The following GSDMC variants were observed in gnomAD, a reference collection of about 807,000 sequenced individuals.
The protein encoded by GSDMC is gasdermin C.
GSDMC carries 59 observed loss-of-function variants against 58.0 expected under a neutral mutation model. The observed-to-expected ratio is 1.02, with a 90% CI of 0.82 to 1.26. GSDMC has a LOEUF of 1.26. Among genes scored for constraint, GSDMC ranks in the 50% most tolerant of loss-of-function variants. The probability of loss-of-function intolerance (pLI) is 0.00; values close to 1 mark genes in which losing one functional copy is unlikely to be tolerated. For synonymous variants in GSDMC, 241 were observed against 220.2 expected (o/e 1.09, Z -0.83); for missense variants, 659 against 598.5 (o/e 1.10, Z -1.06).
rs1308814649 is a variant in GSDMC, at chr8:129,760,574, T to C, written c.692A>G (p.Asp231Gly). Residue 231 changes from aspartate (D) to glycine (G), a missense_variant, in exon 6 of 14, where the codon GAT becomes GGT. Asp to Gly is a moderately conservative substitution (Grantham distance 94). Transcript: ENST00000276708. ...TTGAAAGGTTCTCTGTTCATCATCATCTGAGATGAGAATGGCTGAATGGAA... is the reference window on the plus strand; with the variant it reads ...TTGAAAGGTTCTCTGTTCATCATCACCTGAGATGAGAATGGCTGAATGGAA... ...VIKEKAILIS[D>G]DDEQRTFQDE... 4 of 1,597,082 alleles carry C rather than the reference T, an allele frequency of 2.5e-6. No individual in the cohort carries two copies. The highest frequency in any genetic ancestry group is 2.6e-6 in the Non-Finnish European group (3 of 1,165,094).
chr8:129,752,177 C>A (rs2033233067), intron 7 of GSDMC, 30 bp from the exon 8 acceptor site: 1 of 1,585,554 alleles, frequency 6.3e-7, no homozygotes, highest in Non-Finnish European at 8.7e-7. Flanking sequence ...TGTTTACTCA[C>A]CAAACATTAG....
chr8:129,771,017 T>TA (rs1554635221), intron 3 of GSDMC, among the ~76,000 whole-genome samples: 1 of 149,650 alleles, frequency 6.7e-6, no homozygotes, highest in Non-Finnish European at 1.5e-5. Context: ...ACACATTTTT[T>TA]TATATATATA....
the GSDMC span, chr8:129,729,749 T>C: frequency 1.5e-5 from 9 of 583,640 alleles, no homozygotes; most frequent in African/African-American, 1.3e-4. Flanking sequence ...TTTGCTATTG[T>C]AAAAAGTGTC....
chr8:129,777,778 G>A (rs1234380786), intron 1 of GSDMC, among the ~76,000 whole-genome samples, 187 bp from the exon 2 acceptor site: 1 of 152,060 alleles, frequency 6.6e-6, no homozygotes, highest in South Asian at 2.1e-4. Context: ...TTGAGACAGG[G>A]TCTTGCCATG....
At chr8:129,738,245 G>A in the GSDMC span, among the ~76,000 whole-genome samples, 17 of 152,306 alleles carry the variant, frequency 1.1e-4, no homozygotes, top group African/African-American at 3.9e-4. Flanking sequence ...CAACCATTGT[G>A]GAAGACAGTG....
the GSDMC span, among the ~76,000 whole-genome samples, chr8:129,734,747 G>A: frequency 6.6e-6 from 1 of 152,168 alleles, no homozygotes; most frequent in South Asian, 2.1e-4. Flanking sequence ...GGAAGAAACT[G>A]CATCAACTAA....
intron 1 of GSDMC, among the ~76,000 whole-genome samples, chr8:129,778,220 G>A (rs1254190753): frequency 6.6e-6 from 1 of 152,210 alleles, no homozygotes; most frequent in African/African-American, 2.4e-5. Flanking sequence ...AAGAATTCCA[G>A]GTACAGAAAT....
chr8:129,713,835 A>T, the GSDMC span, among the ~76,000 whole-genome samples: 4 of 152,250 alleles, frequency 2.6e-5, no homozygotes, highest in East Asian at 7.7e-4. Flanking sequence ...GCCATAAATG[A>T]TGGAGCCCAT....
the GSDMC span, among the ~76,000 whole-genome samples, chr8:129,741,249 TTA>T: frequency 6.6e-6 from 1 of 152,164 alleles, no homozygotes; most frequent in Non-Finnish European, 1.5e-5. Flanking sequence ...TATAATATCT[TTA>T]TAATATATTT....
chr8:129,746,334 G>T (rs559950921), downstream of GSDMC, among the ~76,000 whole-genome samples: 28 of 152,274 alleles, frequency 1.8e-4, no homozygotes, highest in Non-Finnish European at 3.4e-4. Flanking sequence ...CTGAACTGAT[G>T]AATTGGAAAG....
chr8:129,728,899 C>A, the GSDMC span: 1 of 659,812 alleles, frequency 1.5e-6, no homozygotes, highest in Non-Finnish European at 2.9e-6. Context: ...AAGCACCAGG[C>A]AGGGTCTGAA....
At chr8:129,730,003 C>T in the GSDMC span, 2 of 1,447,970 alleles carry the variant, frequency 1.4e-6, no homozygotes, top group African/African-American at 2.8e-5. Context: ...GATAGTTCAT[C>T]TTCCAACGGA....
intron 1 of GSDMC, among the ~76,000 whole-genome samples, chr8:129,782,567 G>A (rs1014458528): frequency 6.6e-6 from 1 of 152,052 alleles, no homozygotes. Flanking sequence ...ATTATTGGCA[G>A]CTACTATGAG....
intron 6 of GSDMC, among the ~76,000 whole-genome samples, chr8:129,759,972 C>A (rs2033594602): frequency 6.6e-6 from 1 of 152,062 alleles, no homozygotes; most frequent in Non-Finnish European, 1.5e-5. Flanking sequence ...TGTCCATCAA[C>A]AGATGAATGT....
At chr8:129,759,406 A>G (rs142098057) in intron 6 of GSDMC, among the ~76,000 whole-genome samples, 1 of 152,296 alleles carries the variant, frequency 6.6e-6, no homozygotes, top group Non-Finnish European at 1.5e-5. Flanking sequence ...GAAAGGAAAC[A>G]ATCAACAAAG....
At chr8:129,714,517 G>A in the GSDMC span, among the ~76,000 whole-genome samples, 1 of 152,170 alleles carries the variant, frequency 6.6e-6, no homozygotes. Context: ...TATTTTCACT[G>A]TGTATCTTAT....
At chr8:129,748,768 G>A (rs1415876075) in intron 13 of GSDMC, 28 bp from the exon 14 acceptor site, 2 of 1,481,272 alleles carry the variant, frequency 1.4e-6, no homozygotes, top group Non-Finnish European at 1.8e-6. Flanking sequence ...AGGTTCTACA[G>A]ACCAGCCTTT....
chr8:129,711,903 G>T, the GSDMC span, among the ~76,000 whole-genome samples: 2 of 152,106 alleles, frequency 1.3e-5, no homozygotes, highest in African/African-American at 4.8e-5. Flanking sequence ...TTGGGATTTC[G>T]ATCCAGGTAG....
intron 6 of GSDMC, among the ~76,000 whole-genome samples, chr8:129,758,805 G>C (rs1200344333): frequency 1.3e-5 from 2 of 152,036 alleles, no homozygotes; most frequent in Non-Finnish European, 2.9e-5. Flanking sequence ...GCAATCTACA[G>C]ATTCAATGCA....
Sources: gnomAD v4.1 joint callset for allele counts (sites outside exome capture counted in the v4.1 genomes callset) on GRCh38, gnomAD v4.1.1 for gene constraint, MANE v1.5 for transcripts, NCBI Gene and HGNC (gene_info 2026-07-23, HGNC 2026-07-21) for gene names.